PTPRT: variants seen among roughly 807,000 people sequenced by gnomAD.
The protein encoded by PTPRT is protein tyrosine phosphatase receptor type T.
Under a neutral mutation model 176.8 loss-of-function variants are expected in PTPRT, and 56 were observed. That is an observed-to-expected ratio of 0.32 (90% CI 0.26 to 0.40). The LOEUF is 0.40. PTPRT is among the 10% of genes least tolerant of loss of function. PTPRT has a pLI of 1.00. For synonymous variants in PTPRT, 783 were observed against 739.0 expected, an observed-to-expected ratio of 1.06 and a Z score of -0.96; for missense variants, 1,540 against 1,908.2, an observed-to-expected ratio of 0.81 and a Z score of 3.60.
intron 12 of PTPRT, among the ~76,000 whole-genome samples, chr20:42,308,899 C>T (rs1324066281): frequency 6.6e-6 from 1 of 152,170 alleles, no homozygotes; most frequent in Non-Finnish European, 1.5e-5. Context: ...AGATAATCCC[C>T]ACTATTATAA....
chr20:43,110,406 C>T (rs1203615576), intron 1 of PTPRT, among the ~76,000 whole-genome samples: 1 of 152,154 alleles, frequency 6.6e-6, no homozygotes, highest in African/African-American at 2.4e-5. Flanking sequence ...ACAAATTAAC[C>T]ATATCCAAAT....
At chr20:42,826,494 T>A (rs1019607474) in intron 2 of PTPRT, among the ~76,000 whole-genome samples, 1 of 152,164 alleles carries the variant, frequency 6.6e-6, no homozygotes, top group South Asian at 2.1e-4. Context: ...ATCTCTAACA[T>A]GAACAGAAGA....
At chr20:42,664,559 C>A (rs2075280549) in intron 7 of PTPRT, among the ~76,000 whole-genome samples, 1 of 152,038 alleles carries the variant, frequency 6.6e-6, no homozygotes, top group Non-Finnish European at 1.5e-5. Flanking sequence ...GCAATAAATT[C>A]TATTTTTTAC....
intron 15 of PTPRT, among the ~76,000 whole-genome samples, chr20:42,234,176 T>A (rs1320151390): frequency 6.6e-6 from 1 of 152,196 alleles, no homozygotes; most frequent in African/African-American, 2.4e-5. Context: ...CCCTGTGGTT[T>A]CTGAAAGGGG....
At chr20:42,440,570 C>T (rs1362843339) in intron 9 of PTPRT, among the ~76,000 whole-genome samples, 1 of 151,606 alleles carries the variant, frequency 6.6e-6, no homozygotes, top group Admixed American at 6.6e-5. Flanking sequence ...ATCCGCCTCC[C>T]AGGTTCACGC....
At chr20:42,089,271 G>A (rs1984360317) in intron 27 of PTPRT, among the ~76,000 whole-genome samples, 1 of 152,144 alleles carries the variant, frequency 6.6e-6, no homozygotes, top group Non-Finnish European at 1.5e-5. Context: ...AGTAATGAGA[G>A]ATTGGTACAA....
chr20:42,811,964 T>A (rs1307389711), intron 2 of PTPRT, among the ~76,000 whole-genome samples: 1 of 152,168 alleles, frequency 6.6e-6, no homozygotes, highest in Non-Finnish European at 1.5e-5. Context: ...AGCTTTATAT[T>A]CTATTATATT....
At chr20:42,343,824 G>T (rs1324926190) in intron 11 of PTPRT, among the ~76,000 whole-genome samples, 1 of 152,238 alleles carries the variant, frequency 6.6e-6, no homozygotes, top group East Asian at 1.9e-4. Flanking sequence ...GCAGGGCTCA[G>T]AGAAAATTCT....
chr20:42,813,600 T>C (rs1267641858), intron 2 of PTPRT, among the ~76,000 whole-genome samples: 2 of 152,196 alleles, frequency 1.3e-5, no homozygotes, highest in African/African-American at 2.4e-5. Flanking sequence ...TGCTATGATA[T>C]ATAGCATATG....
chr20:42,984,930 T>TTAGGAAGTTTTAGGTGGCC (rs1983486253), intron 1 of PTPRT, among the ~76,000 whole-genome samples: 1 of 152,122 alleles, frequency 6.6e-6, no homozygotes, highest in South Asian at 2.1e-4. Flanking sequence ...ACCAGGTGGC[T>TTAGGAAGTTTTAGGTGGCC]TAGGAAGTTT....
intron 5 of PTPRT, among the ~76,000 whole-genome samples, chr20:42,769,349 AG>A (rs2145453505): frequency 6.6e-6 from 1 of 152,340 alleles, no homozygotes; most frequent in South Asian, 2.1e-4. Context: ...AGAGACAGCT[AG>A]GCAAAGGAAC....
intron 7 of PTPRT, among the ~76,000 whole-genome samples, chr20:42,508,754 C>G (rs1409205720): frequency 6.6e-6 from 1 of 151,572 alleles, no homozygotes; most frequent in African/African-American, 2.4e-5. Context: ...ATACTCTAAA[C>G]AGGTGAGCTA....
At chr20:42,918,499 T>G (rs1184333339) in intron 1 of PTPRT, among the ~76,000 whole-genome samples, 1 of 152,154 alleles carries the variant, frequency 6.6e-6, no homozygotes, top group Non-Finnish European at 1.5e-5. Flanking sequence ...ATGGGCCCCT[T>G]CTAAGGATTT....
rs183342999 is a variant in PTPRT at position 43,107,182 on chromosome 20, A to C, written c.88+82464T>G. On this transcript the variant is annotated intron_variant, in intron 1 of 30. Transcript: ENST00000373187. ...CTTTAAAGAATTTTCAAGTGAAATG[A>C]AGATGCCAGATGACCCAAACCCTCC... Among the ~76,000 whole-genome samples, 9 of 152,328 alleles carry C rather than the reference A, an allele frequency of 5.9e-5. No homozygotes were observed. In the East Asian group the frequency reaches 1.3e-3, roughly 23 times the overall value.
intron 7 of PTPRT, among the ~76,000 whole-genome samples, chr20:42,619,822 T>G (rs2074154023): frequency 7.8e-6 from 1 of 128,598 alleles, no homozygotes; most frequent in Non-Finnish European, 1.6e-5. Flanking sequence ...CTGTATTGGT[T>G]ATTCTAGTTA....
intron 7 of PTPRT, among the ~76,000 whole-genome samples, chr20:42,539,424 C>A (rs1174117036): frequency 1.3e-5 from 2 of 149,742 alleles, no homozygotes; most frequent in Non-Finnish European, 3.0e-5. Flanking sequence ...AATGGGAAAC[C>A]ATCACTTTCT....
At chr20:43,103,757 T>G (rs988427280) in intron 1 of PTPRT, among the ~76,000 whole-genome samples, 2 of 150,050 alleles carry the variant, frequency 1.3e-5, no homozygotes, top group South Asian at 4.2e-4. Flanking sequence ...TCAGTAATAA[T>G]AATAATAATA....
intron 1 of PTPRT, among the ~76,000 whole-genome samples, chr20:43,166,303 G>A (rs984586744): frequency 3.7e-4 from 56 of 151,384 alleles, no homozygotes; most frequent in African/African-American, 1.2e-3. Context: ...CTCCAACCCC[G>A]GGCGACAGAG....
chr20:42,363,824 C>T (rs2058475882), intron 9 of PTPRT, among the ~76,000 whole-genome samples: 1 of 152,112 alleles, frequency 6.6e-6, no homozygotes, highest in Non-Finnish European at 1.5e-5. Context: ...CAGAGGCAGG[C>T]TTGGAACCCC....
Sources: allele counts gnomAD v4.1 joint callset (sites outside exome capture counted in the v4.1 genomes callset), GRCh38; gene constraint gnomAD v4.1.1; transcripts MANE v1.5; gene names NCBI Gene and HGNC (gene_info 2026-07-23, HGNC 2026-07-21).